Variants in YES1 observed in about 807,000 individuals in gnomAD.
YES1 encodes the protein YES proto-oncogene 1, Src family tyrosine kinase.
Under a neutral mutation model 70.4 loss-of-function variants are expected in YES1, and 39 were observed. The ratio of observed to expected loss-of-function variants is 0.55; its 90% CI spans 0.43 to 0.72. YES1 has a LOEUF of 0.72. Ranked by LOEUF, YES1 falls within the 30% of genes least tolerant of loss-of-function variation. The probability of loss-of-function intolerance (pLI) is 0.00; values close to 1 mark genes in which losing one functional copy is unlikely to be tolerated. For synonymous variants in YES1, 198 were observed against 218.6 expected (o/e 0.91, Z 0.83); for missense variants, 495 against 644.8 (o/e 0.77, Z 2.52).
intron 1 of YES1, among the ~76,000 whole-genome samples, chr18:786,001 G>A (rs1905917668): frequency 6.6e-6 from 1 of 152,136 alleles, no homozygotes. Flanking sequence ...TCCACCATGA[G>A]ATAACACAGC....
intron 1 of YES1, among the ~76,000 whole-genome samples, chr18:764,934 C>A (rs1204324924): frequency 6.6e-6 from 1 of 151,642 alleles, no homozygotes; most frequent in South Asian, 2.1e-4. Context: ...CCGGGTTTCA[C>A]TATGTTGGCC....
At chr18:748,114 A>G in intron 3 of YES1, 96 bp from the exon 4 acceptor site, 1 of 912,828 alleles carries the variant, frequency 1.1e-6, no homozygotes, top group Non-Finnish European at 1.7e-6. Flanking sequence ...AACAAAGGGT[A>G]TTACTTTCAT....
intron 1 of YES1, among the ~76,000 whole-genome samples, chr18:772,082 G>A (rs942626800): frequency 6.6e-6 from 1 of 152,090 alleles, no homozygotes; most frequent in Non-Finnish European, 1.5e-5. Flanking sequence ...AGGCTGGAGT[G>A]CAATGCCACG....
At chr18:731,860 G>A (rs370616801) in intron 11 of YES1, among the ~76,000 whole-genome samples, 75 of 151,600 alleles carry the variant, frequency 4.9e-4, no homozygotes, top group African/African-American at 1.7e-3. Flanking sequence ...CTAGCTACTC[G>A]GGAGGCTGAG....
intron 1 of YES1, among the ~76,000 whole-genome samples, chr18:779,103 T>C (rs751108175): frequency 4.6e-5 from 7 of 152,226 alleles, no homozygotes; most frequent in Non-Finnish European, 7.4e-5. Flanking sequence ...AAGAGCCTGA[T>C]GTAAAGAATA....
chr18:749,030 A>G lies in YES1; in HGVS notation c.372-1012T>C, dbSNP rs573509810. 1.2e-4 allele frequency among the ~76,000 whole-genome samples: 18 copies of G among 152,216 alleles called. 1 individual carries two copies. Among genetic ancestry groups the G allele is most frequent in the South Asian group, 1.0e-3 (5 of 4,816 alleles). On this transcript the variant is annotated intron_variant, in intron 3 of 11. Coordinates refer to ENST00000314574, the MANE Select transcript of YES1 (RefSeq NM_005433.4). Reference sequence around the variant, plus strand: ...ACAAAAATTAGCTAGATGCAGCGGCATGCACCTGTAGTCCCAGCTACTTGG... The same window carrying G: ...ACAAAAATTAGCTAGATGCAGCGGCGTGCACCTGTAGTCCCAGCTACTTGG...
intron 10 of YES1, 24 bp from the exon 11 acceptor site, chr18:732,989 C>T: frequency 6.2e-7 from 1 of 1,613,388 alleles, no homozygotes; most frequent in Non-Finnish European, 8.5e-7. Flanking sequence ...GACCATCTTG[C>T]TTAATTGTTT....
intron 6 of YES1, among the ~76,000 whole-genome samples, chr18:744,144 T>A (rs2080250240): frequency 6.6e-6 from 1 of 151,656 alleles, no homozygotes; most frequent in Non-Finnish European, 1.5e-5. Flanking sequence ...TTCACAAGTA[T>A]CTCATATATA....
chr18:740,372 A>G (rs1170266365), intron 8 of YES1, among the ~76,000 whole-genome samples: 1 of 152,262 alleles, frequency 6.6e-6, no homozygotes, highest in Non-Finnish European at 1.5e-5. Context: ...AGGCACATTT[A>G]AAACATAAAA....
intron 6 of YES1, among the ~76,000 whole-genome samples, chr18:745,042 TG>T (rs1443584709): frequency 6.6e-6 from 1 of 152,158 alleles, no homozygotes; most frequent in African/African-American, 2.4e-5. Context: ...TCAAGATTGC[TG>T]GCTGACTTGA....
At chr18:793,702 T>C (rs897191397) in intron 1 of YES1, among the ~76,000 whole-genome samples, 3 of 152,182 alleles carry the variant, frequency 2.0e-5, no homozygotes, top group African/African-American at 7.2e-5. Flanking sequence ...CAGATTTCTA[T>C]AGAGCAGCTA....
At chr18:801,539 G>A (rs991741781) in intron 1 of YES1, among the ~76,000 whole-genome samples, 2 of 152,100 alleles carry the variant, frequency 1.3e-5, no homozygotes, top group East Asian at 3.9e-4. Context: ...AATTTTAACT[G>A]AACCATCAGG....
intron 1 of YES1, among the ~76,000 whole-genome samples, chr18:779,134 G>C (rs1208800805): frequency 6.6e-6 from 1 of 152,104 alleles, no homozygotes; most frequent in Non-Finnish European, 1.5e-5. Flanking sequence ...TTTATGGATG[G>C]GGGCAGTGGC....
intron 1 of YES1, among the ~76,000 whole-genome samples, chr18:757,421 T>G (rs1382002023): frequency 2.4e-4 from 35 of 147,790 alleles, no homozygotes; most frequent in Non-Finnish European, 3.9e-4. Context: ...GAGAATGGCG[T>G]GAACCCGGGA....
chr18:749,454 T>C (rs532055230), intron 3 of YES1, among the ~76,000 whole-genome samples: 12 of 152,140 alleles, frequency 7.9e-5, no homozygotes, highest in Admixed American at 2.6e-4. Flanking sequence ...GCCAAGATCA[T>C]GCCATTGCAC....
intron 1 of YES1, among the ~76,000 whole-genome samples, chr18:793,015 A>C (rs1906347960): frequency 6.6e-6 from 1 of 151,386 alleles, no homozygotes; most frequent in South Asian, 2.1e-4. Context: ...AAGAGTCTTA[A>C]GGTTCATTAT....
intron 1 of YES1, among the ~76,000 whole-genome samples, chr18:784,143 T>C (rs1239875860): frequency 2.0e-5 from 3 of 152,214 alleles, no homozygotes; most frequent in African/African-American, 7.2e-5. Flanking sequence ...GGACAGTTAC[T>C]AAATAAAATG....
intron 1 of YES1, among the ~76,000 whole-genome samples, chr18:766,418 A>C (rs1361403888): frequency 6.6e-6 from 1 of 152,124 alleles, no homozygotes; most frequent in Non-Finnish European, 1.5e-5. Flanking sequence ...ATTAAATGTA[A>C]GTTAAAACCG....
chr18:811,313 A>C (rs1310227358), intron 1 of YES1, among the ~76,000 whole-genome samples: 4 of 152,174 alleles, frequency 2.6e-5, no homozygotes, highest in Non-Finnish European at 4.4e-5. Flanking sequence ...AAATGATTCA[A>C]CCAAATCCGA....
Sources: allele counts gnomAD v4.1 joint callset (sites outside exome capture counted in the v4.1 genomes callset), GRCh38; gene constraint gnomAD v4.1.1; transcripts MANE v1.5; gene names NCBI Gene and HGNC (gene_info 2026-07-23, HGNC 2026-07-21).